Variants in CHRM3 observed in about 807,000 individuals in gnomAD.
CHRM3 encodes cholinergic receptor muscarinic 3, also known as muscarinic acetylcholine receptor M3.
CHRM3 carries 11 observed loss-of-function variants against 41.8 expected under a neutral mutation model. That is an observed-to-expected ratio of 0.26 (90% CI 0.17 to 0.44). CHRM3 has a LOEUF of 0.44. CHRM3 is among the 20% of genes least tolerant of loss of function. The pLI, the probability that CHRM3 is intolerant of heterozygous loss-of-function variation, is 1.00. For synonymous variants in CHRM3, 297 were observed against 301.4 expected (o/e 0.99, Z 0.15); for missense variants, 571 against 745.4 (o/e 0.77, Z 2.72).
At chr1:239,538,582 TCTA>T (rs1418383177) in intron 2 of CHRM3, among the ~76,000 whole-genome samples, 2 of 152,260 alleles carry the variant, frequency 1.3e-5, no homozygotes, top group African/African-American at 4.8e-5. Context: ...ATTTTAAAAA[TCTA>T]CTGATTTTTG....
intron 6 of CHRM3, among the ~76,000 whole-genome samples, chr1:239,870,687 T>C (rs766637620): frequency 9.2e-5 from 14 of 152,196 alleles, no homozygotes; most frequent in Non-Finnish European, 1.5e-4. Context: ...AGGTTATGCT[T>C]GTATTCATGG....
chr1:239,589,196 A>G (rs898922699), intron 3 of CHRM3, among the ~76,000 whole-genome samples: 2 of 152,000 alleles, frequency 1.3e-5, no homozygotes, highest in Non-Finnish European at 2.9e-5. Flanking sequence ...AGCCTCCCAA[A>G]TTGCTGGGAT....
intron 2 of CHRM3, among the ~76,000 whole-genome samples, chr1:239,541,742 G>C (rs1658802835): frequency 6.6e-6 from 1 of 152,048 alleles, no homozygotes; most frequent in Admixed American, 6.6e-5. Flanking sequence ...TGACCTCCTG[G>C]ACTCAAGCAA....
chr1:239,893,661 A>T (rs1678734175), intron 6 of CHRM3, among the ~76,000 whole-genome samples: 1 of 151,704 alleles, frequency 6.6e-6, no homozygotes, highest in African/African-American at 2.4e-5. Flanking sequence ...CAGCTGTAGC[A>T]GTAGCAGAGG....
intron 1 of CHRM3, among the ~76,000 whole-genome samples, chr1:239,475,285 A>T (rs1481681817): frequency 6.6e-6 from 1 of 152,118 alleles, no homozygotes; most frequent in Non-Finnish European, 1.5e-5. Context: ...ATAATGTTCA[A>T]AATTAATATT....
In CHRM3 at chr1:239,547,973, C is replaced by CT. The variant is rs796511714; in HGVS notation, c.-313+2234dup. On this transcript the variant is annotated intron_variant, in intron 3 of 6. Coordinates refer to ENST00000676153, the MANE Select transcript of CHRM3 (RefSeq NM_001375978.1). Reference sequence around the variant, plus strand: ...TGGACTGTCACCATGTTTAAAATGACTTTTTTTTTTCAGGAGAGAAAGAGA... The same window carrying CT: ...TGGACTGTCACCATGTTTAAAATGACTTTTTTTTTTTCAGGAGAGAAAGAGA... Among the ~76,000 whole-genome samples the CT allele has an allele frequency of 3.0e-3, 451 of 148,210 alleles. 3 individuals are homozygous for CT. Among genetic ancestry groups the CT allele is most frequent in the African/African-American group, 9.5e-3 (384 of 40,432 alleles).
chr1:239,553,266 A>C (rs1254403031), intron 3 of CHRM3, among the ~76,000 whole-genome samples: 3 of 152,128 alleles, frequency 2.0e-5, no homozygotes, highest in African/African-American at 7.2e-5. Flanking sequence ...TTTGAAAATA[A>C]AATTAATTTG....
chr1:239,444,183 C>A (rs1028012891), intron 1 of CHRM3, among the ~76,000 whole-genome samples: 14 of 152,150 alleles, frequency 9.2e-5, no homozygotes, highest in African/African-American at 3.1e-4. Flanking sequence ...GGTCTTTGTT[C>A]AGGAGTCACG....
chr1:239,867,649 G>A (rs193238041), intron 6 of CHRM3, among the ~76,000 whole-genome samples: 2 of 149,260 alleles, frequency 1.3e-5, no homozygotes, highest in Admixed American at 6.8e-5. Context: ...TCACACCACC[G>A]CATTCCAGCC....
intron 2 of CHRM3, among the ~76,000 whole-genome samples, chr1:239,540,190 A>T (rs1221723663): frequency 1.3e-5 from 2 of 152,200 alleles, no homozygotes; most frequent in Non-Finnish European, 2.9e-5. Context: ...ATAACTGTAT[A>T]AGAAATAAAT....
intron 6 of CHRM3, among the ~76,000 whole-genome samples, chr1:239,872,489 G>A (rs1170839380): frequency 6.6e-6 from 1 of 152,080 alleles, no homozygotes; most frequent in Non-Finnish European, 1.5e-5. Flanking sequence ...TGTGTGGGAC[G>A]GCCCCAACCC....
At chr1:239,557,187 C>A (rs1027079728) in intron 3 of CHRM3, among the ~76,000 whole-genome samples, 3 of 152,144 alleles carry the variant, frequency 2.0e-5, no homozygotes, top group African/African-American at 7.2e-5. Context: ...ACCTCTACTT[C>A]TGTGCTCAGC....
Position 239,412,240 on chromosome 1 carries a change from C to CT in CHRM3, c.-521+25023dup, listed in dbSNP as rs535672964. Among the ~76,000 whole-genome samples, 850 of 114,682 alleles carry CT rather than the reference C, an allele frequency of 7.4e-3. 15 individuals are homozygous for CT. The highest frequency in any genetic ancestry group is 0.026 in the East Asian group (91 of 3,434). 75.2% of individuals were successfully genotyped at this position (114,682 alleles called of 152,430 possible). On this transcript the variant is annotated intron_variant, in intron 1 of 6. Coordinates refer to ENST00000676153, the MANE Select transcript of CHRM3 (RefSeq NM_001375978.1). ...CACTCTTTTTCTCCCCTTTCTTTTT[C>CT]TTTTTTTTTTGTCGTTCTCCTTCAT...
chr1:239,574,655 T>G (rs765718452), intron 3 of CHRM3, among the ~76,000 whole-genome samples: 1 of 152,182 alleles, frequency 6.6e-6, no homozygotes, highest in African/African-American at 2.4e-5. Context: ...AAGTTACTTT[T>G]TACTGGATTT....
intron 3 of CHRM3, among the ~76,000 whole-genome samples, chr1:239,617,583 A>C (rs1184841873): frequency 6.6e-6 from 1 of 152,080 alleles, no homozygotes; most frequent in East Asian, 1.9e-4. Flanking sequence ...AAATGTAAAA[A>C]ATTAGCCAGG....
intron 3 of CHRM3, among the ~76,000 whole-genome samples, chr1:239,549,659 TAA>T (rs542326965): frequency 3.7e-4 from 44 of 119,698 alleles, no homozygotes; most frequent in Middle Eastern, 4.3e-3. Context: ...AGACTCCATC[TAA>T]AAAAAAAAAA....
chr1:239,718,508 G>C (rs753027614), intron 5 of CHRM3, among the ~76,000 whole-genome samples: 1 of 151,962 alleles, frequency 6.6e-6, no homozygotes, highest in Non-Finnish European at 1.5e-5. Flanking sequence ...TCTGGGTCAG[G>C]AGTAATATTC....
At chr1:239,629,168 G>C (rs1284970354) in intron 3 of CHRM3, 1 of 143,994 alleles carries the variant, frequency 6.9e-6, no homozygotes, top group African/African-American at 2.6e-5. Context: ...CGTGGGCGTA[G>C]GACCCTCCGA....
At chr1:239,647,282 A>T (rs1017235798) in intron 4 of CHRM3, among the ~76,000 whole-genome samples, 1 of 152,148 alleles carries the variant, frequency 6.6e-6, no homozygotes, top group African/African-American at 2.4e-5. Flanking sequence ...TGCCAGAATG[A>T]GTAAAGACCT....
Sources: gnomAD v4.1 joint callset for allele counts (sites outside exome capture counted in the v4.1 genomes callset) on GRCh38, gnomAD v4.1.1 for gene constraint, MANE v1.5 for transcripts, NCBI Gene and HGNC (gene_info 2026-07-23, HGNC 2026-07-21) for gene names.